Variants in ADAMTSL3 observed in about 807,000 individuals in gnomAD.
The protein encoded by ADAMTSL3 is ADAMTS-like protein 3.
Under a neutral mutation model 201.7 loss-of-function variants are expected in ADAMTSL3, and 128 were observed. The observed-to-expected ratio is 0.63, with a 90% confidence interval of 0.55 to 0.73. The LOEUF (loss-of-function observed/expected upper bound fraction) is 0.73. ADAMTSL3 is among the 30% of genes least tolerant of loss of function. The pLI is 0.00. For missense variants in ADAMTSL3, 1,990 were observed against 2,119.6 expected (o/e 0.94, Z 1.20); for synonymous variants, 738 against 748.4 (o/e 0.99, Z 0.23).
intron 7 of ADAMTSL3, 38 bp from the exon 8 acceptor site, chr15:83,858,728 T>C (rs2064793338): frequency 6.5e-7 from 1 of 1,528,786 alleles, no homozygotes; most frequent in Non-Finnish European, 9.0e-7. Flanking sequence ...GCCTTTAGTG[T>C]ACTGGTTTTA....
intron 16 of ADAMTSL3, among the ~76,000 whole-genome samples, chr15:83,920,161 G>A (rs553392019): frequency 3.2e-4 from 48 of 152,266 alleles, no homozygotes; most frequent in African/African-American, 1.0e-3. Flanking sequence ...AAATGGTAAC[G>A]TGGGAACAAA....
chr15:83,956,423 T>C (rs914581813), intron 19 of ADAMTSL3, among the ~76,000 whole-genome samples: 2 of 152,230 alleles, frequency 1.3e-5, no homozygotes, highest in African/African-American at 4.8e-5. Context: ...GGTGCTTTTT[T>C]GTTCACAGAT....
chr15:83,797,726 G>T (rs1316468281), intron 4 of ADAMTSL3, among the ~76,000 whole-genome samples: 1 of 152,192 alleles, frequency 6.6e-6, no homozygotes, highest in African/African-American at 2.4e-5. Context: ...CACTGGTAAT[G>T]AGGGTGAAAA....
intron 16 of ADAMTSL3, among the ~76,000 whole-genome samples, chr15:83,919,649 A>G (rs2066100952): frequency 1.3e-5 from 2 of 152,146 alleles, no homozygotes; most frequent in Non-Finnish European, 2.9e-5. Flanking sequence ...GATGACTAAG[A>G]TGGCCTTGCG....
intron 19 of ADAMTSL3, among the ~76,000 whole-genome samples, chr15:83,951,211 G>A (rs533529894): frequency 6.7e-6 from 1 of 148,986 alleles, no homozygotes; most frequent in Non-Finnish European, 1.5e-5. Context: ...CTTTTTTTTA[G>A]GATTTTTGTC....
chr15:84,031,460 C>T (rs2068408593), intron 28 of ADAMTSL3, 28 bp downstream of exon 28: 2 of 1,591,664 alleles, frequency 1.3e-6, no homozygotes, highest in African/African-American at 1.3e-5. Flanking sequence ...GAGCAGCACA[C>T]ATTCTCTCCT....
chr15:83,914,040 A>T (rs1014834209), intron 16 of ADAMTSL3, among the ~76,000 whole-genome samples: 1 of 152,192 alleles, frequency 6.6e-6, no homozygotes, highest in East Asian at 1.9e-4. Flanking sequence ...AAAAGATAGA[A>T]ATAACAAATA....
At chr15:83,789,030 C>T (rs1451321683) in intron 4 of ADAMTSL3, among the ~76,000 whole-genome samples, 1 of 152,112 alleles carries the variant, frequency 6.6e-6, no homozygotes, top group Non-Finnish European at 1.5e-5. Flanking sequence ...AGGTTGGTCT[C>T]AAACTCCTGA....
At chr15:83,932,387 G>A (rs939303530) in intron 17 of ADAMTSL3, among the ~76,000 whole-genome samples, 35 of 152,352 alleles carry the variant, frequency 2.3e-4, no homozygotes, top group African/African-American at 8.2e-4. Flanking sequence ...AGTGGGGACA[G>A]TTGTCAGTCT....
At chr15:83,995,998 G>C (rs2067680372) in intron 23 of ADAMTSL3, among the ~76,000 whole-genome samples, 2 of 151,990 alleles carry the variant, frequency 1.3e-5, no homozygotes, top group African/African-American at 4.8e-5. Flanking sequence ...AATAGCAGTA[G>C]AATTAAAAAC....
At chr15:83,841,667 C>T (rs755418622) in intron 7 of ADAMTSL3, among the ~76,000 whole-genome samples, 4 of 151,192 alleles carry the variant, frequency 2.6e-5, no homozygotes, top group Non-Finnish European at 5.9e-5. Context: ...GGAGGGGGGG[C>T]AGGAAATTGA....
chr15:83,673,475 G>A (rs1190191746), intron 2 of ADAMTSL3, among the ~76,000 whole-genome samples: 1 of 152,136 alleles, frequency 6.6e-6, no homozygotes, highest in Admixed American at 6.5e-5. Context: ...TGGCATCATT[G>A]CTGGGTTTTT....
chr15:83,864,863 C>G (rs1258850808), intron 8 of ADAMTSL3, among the ~76,000 whole-genome samples: 1 of 152,154 alleles, frequency 6.6e-6, no homozygotes, highest in Non-Finnish European at 1.5e-5. Context: ...ATCTAGAAAA[C>G]CCCATCGTCT....
chr15:83,661,420 A>C (rs867937402), intron 2 of ADAMTSL3, among the ~76,000 whole-genome samples: 3,457 of 151,834 alleles, frequency 0.023, 119 homozygotes, highest in African/African-American at 0.073. Context: ...ATGAGCATGG[A>C]ATGTTCTTCC....
At chr15:83,949,890 C>T (rs929790283) in intron 19 of ADAMTSL3, among the ~76,000 whole-genome samples, 1 of 151,712 alleles carries the variant, frequency 6.6e-6, no homozygotes, top group Non-Finnish European at 1.5e-5. Flanking sequence ...TTGTGTGAGC[C>T]CCTTATATGT....
chr15:84,035,721 T>G (rs929267574), intron 28 of ADAMTSL3, among the ~76,000 whole-genome samples: 24 of 152,218 alleles, frequency 1.6e-4, no homozygotes, highest in African/African-American at 5.8e-4. Flanking sequence ...TAAGGAACCT[T>G]TAATGGGATA....
intron 17 of ADAMTSL3, among the ~76,000 whole-genome samples, chr15:83,942,313 G>GAT (rs1271132493): frequency 1.3e-5 from 2 of 152,176 alleles, no homozygotes; most frequent in Non-Finnish European, 2.9e-5. Flanking sequence ...TTTTATTTTT[G>GAT]ATATATAGTG....
intron 28 of ADAMTSL3, among the ~76,000 whole-genome samples, chr15:84,032,803 A>G (rs2068432546): frequency 6.6e-6 from 1 of 152,226 alleles, no homozygotes; most frequent in African/African-American, 2.4e-5. Context: ...TTCAGTAAAT[A>G]TCCTGGAACA....
chr15:83,937,502 C>G (rs543240170), intron 17 of ADAMTSL3, among the ~76,000 whole-genome samples: 3 of 150,772 alleles, frequency 2.0e-5, no homozygotes, highest in South Asian at 4.2e-4. Flanking sequence ...ACATCAGGGT[C>G]TACTTGAGGG....
Sources: gnomAD v4.1 joint callset for allele counts (sites outside exome capture counted in the v4.1 genomes callset) on GRCh38, gnomAD v4.1.1 for gene constraint, MANE v1.5 for transcripts, NCBI Gene and HGNC (gene_info 2026-07-23, HGNC 2026-07-21) for gene names.